The following ZNF573 variants were observed in gnomAD, a reference collection of about 807,000 sequenced individuals.
ZNF573 encodes the protein zinc finger protein 573.
Under a neutral mutation model 57.4 loss-of-function variants are expected in ZNF573, and 41 were observed. The observed-to-expected ratio is 0.71, with a 90% CI of 0.56 to 0.93. The LOEUF (loss-of-function observed/expected upper bound fraction) is 0.93, where lower values mean the gene tolerates loss of function less well. Among genes scored for constraint, ZNF573 ranks in the 40% least tolerant of loss-of-function variants. The pLI is 0.00. For missense variants in ZNF573, 730 were observed against 794.8 expected, an observed-to-expected ratio of 0.92 and a Z score of 0.98; for synonymous variants, 249 against 261.0, an observed-to-expected ratio of 0.95 and a Z score of 0.44.
chr19:37,778,548 T>C (rs956845396), intron 1 of ZNF573: 3 of 151,696 alleles, frequency 2.0e-5, no homozygotes, highest in East Asian at 2.0e-4. Flanking sequence ...TCCCAACATC[T>C]ACTGGAAAGA....
At chr19:37,767,231 T>TC (rs1363786591) in intron 4 of ZNF573, among the ~76,000 whole-genome samples, 1 of 149,910 alleles carries the variant, frequency 6.7e-6, no homozygotes, top group African/African-American at 2.5e-5. Context: ...TGAGATTCAT[T>TC]CCTTTTTTTT....
intron 4 of ZNF573, among the ~76,000 whole-genome samples, chr19:37,749,136 GA>G (rs2045410280): frequency 6.6e-6 from 1 of 151,880 alleles, no homozygotes; most frequent in South Asian, 2.1e-4. Context: ...ACATAGTTAA[GA>G]GGTGAAATTT....
chr19:37,744,785 AAC>A (rs912846845), intron 4 of ZNF573, among the ~76,000 whole-genome samples: 3 of 151,518 alleles, frequency 2.0e-5, no homozygotes, highest in African/African-American at 7.3e-5. Flanking sequence ...AGAAAAAGAA[AAC>A]ACTTTTTTTT....
intron 1 of ZNF573, among the ~76,000 whole-genome samples, chr19:37,773,999 G>C (rs2045683347): frequency 6.6e-6 from 1 of 152,088 alleles, no homozygotes. Context: ...TCTGGACAAG[G>C]CTCCAATTTG....
Position 37,740,457 on chromosome 19 carries a change from T to C in ZNF573, c.296-263A>G, listed in dbSNP as rs547384539. The C allele has an allele frequency of 7.7e-5, 36 of 468,098 alleles. No homozygotes were observed. The East Asian group carries it at 1.4e-3, about 18-fold the overall frequency. 29.0% of individuals were successfully genotyped at this position (468,098 alleles called of 1,614,324 possible). On this transcript the variant is annotated intron_variant, in intron 4 of 4. Transcript: ENST00000536220. Reference sequence around the variant, plus strand: ...ACAAGCTTGTTCCAAATCTGCTATATTGGCACCGTCAAAGACCAAGTGAAT... The same window carrying C: ...ACAAGCTTGTTCCAAATCTGCTATACTGGCACCGTCAAAGACCAAGTGAAT...
intron 4 of ZNF573, among the ~76,000 whole-genome samples, chr19:37,750,826 A>G (rs1463123026): frequency 7.2e-6 from 1 of 138,330 alleles, no homozygotes; most frequent in Non-Finnish European, 1.6e-5. Context: ...AGCAAGACCC[A>G]GTCTCAAAAA....
intron 4 of ZNF573, among the ~76,000 whole-genome samples, chr19:37,758,203 ATATATATATATATATATATATAT>A (rs1169851114): frequency 0.019 from 996 of 51,992 alleles, 151 homozygotes; most frequent in South Asian, 0.044. Flanking sequence ...GTATAATAAA[ATATATATATATATATATATATAT>A]ATATATATAT....
At position 37,739,025 on chromosome 19, in the gene ZNF573, G is replaced by A. The variant is rs11666245; in HGVS notation, c.1465C>T (p.Arg489Trp). 0.048 allele frequency: 76,934 copies of A among 1,612,866 alleles called. 2,364 individuals carry two copies. Among genetic ancestry groups the A allele is most frequent in the South Asian group, 0.12 (10,684 of 90,834 alleles). Residue 489 changes from arginine (R) to tryptophan (W), a missense_variant, in exon 5 of 5, where the codon CGG becomes TGG. Coordinates refer to ENST00000536220, the MANE Select transcript of ZNF573 (RefSeq NM_001172690.2). Reference sequence around the variant, plus strand: ...GGTTTCTCACCAGTATGAGTTTTCCGATGTTGAATAAGGTTTGAGCCAGTA... The same window carrying A: ...GGTTTCTCACCAGTATGAGTTTTCCAATGTTGAATAAGGTTTGAGCCAGTA... The part of the protein sequence containing the change: ...YSTGSNLIQH[R>W]KTHTGEKPYK...
At chr19:37,778,024 CAAAAAA>C (rs34141847) in intron 1 of ZNF573, among the ~76,000 whole-genome samples, 1 of 56,134 alleles carries the variant, frequency 1.8e-5, no homozygotes, top group African/African-American at 6.1e-5. Context: ...GACTCTGTCT[CAAAAAA>C]AAAAAAAAAA....
intron 1 of ZNF573, among the ~76,000 whole-genome samples, chr19:37,777,220 G>A (rs1197573187): frequency 6.6e-6 from 1 of 151,806 alleles, no homozygotes; most frequent in Non-Finnish European, 1.5e-5. Flanking sequence ...CACCATGTTG[G>A]CCAGGCTGGT....
intron 4 of ZNF573, 78 bp from the exon 5 acceptor site, chr19:37,740,272 C>A: frequency 7.5e-7 from 1 of 1,327,856 alleles, no homozygotes; most frequent in Non-Finnish European, 1.0e-6. Context: ...CAAAGAAAAA[C>A]CAACATTCAT....
chr19:37,763,045 T>A (rs966845015), intron 4 of ZNF573, among the ~76,000 whole-genome samples: 12 of 151,936 alleles, frequency 7.9e-5, no homozygotes, highest in Non-Finnish European at 1.6e-4. Context: ...AGTGCTGGGA[T>A]TACAGGCATG....
At chr19:37,749,569 T>A (rs2045414350) in intron 4 of ZNF573, among the ~76,000 whole-genome samples, 1 of 152,012 alleles carries the variant, frequency 6.6e-6, no homozygotes, top group Non-Finnish European at 1.5e-5. Flanking sequence ...ACCTATATAT[T>A]CATCACAAGA....
At chr19:37,740,647 G>C (rs1417917118) in intron 4 of ZNF573, 1 of 453,846 alleles carries the variant, frequency 2.2e-6, no homozygotes, top group East Asian at 7.0e-5. Flanking sequence ...TTACCTAGGA[G>C]GTCTCATGTC....
chr19:37,739,838 A>G lies in ZNF573; in HGVS notation c.652T>C (p.Tyr218His), dbSNP rs2045307624. The G allele has an allele frequency of 6.2e-7, 1 of 1,613,946 alleles. No homozygotes were observed. Among genetic ancestry groups the G allele is most frequent in the Non-Finnish European group, 8.5e-7 (1 of 1,179,974 alleles). Reference sequence around the variant, plus strand: ...GCCTTCCCACACTGCCTACATTCATAGGTTTTCTCACCAGTATGAAATCTC... The same window carrying G: ...GCCTTCCCACACTGCCTACATTCATGGGTTTTCTCACCAGTATGAAATCTC... ...HQRFHTGEKT[Y>H]ECRQCGKAFI... is the part of the protein sequence containing the mutation. Residue 218 changes from tyrosine to histidine, a missense_variant, in exon 5 of 5, where the codon TAT becomes CAT. Coordinates refer to ENST00000536220, the MANE Select transcript of ZNF573 (RefSeq NM_001172690.2).
In ZNF573 at chr19:37,751,690, C is replaced by T. The variant is rs1303605628; in HGVS notation, c.296-11496G>A. The stretch of plus-strand genomic sequence containing the variant: ...TATATACTGTATATAGTACATAGTA[C>T]CGTATATATACTGTATATAGTACAT... On this transcript the variant is annotated intron_variant, in intron 4 of 4. Transcript: ENST00000536220. Among the ~76,000 whole-genome samples the T allele has an allele frequency of 2.1e-5, 3 of 142,468 alleles. No homozygotes were observed. The Admixed American group carries it at 2.1e-4, about 10-fold the overall frequency. 93.5% of individuals were successfully genotyped at this position (142,468 alleles called of 152,430 possible).
intron 4 of ZNF573, among the ~76,000 whole-genome samples, chr19:37,747,533 G>C (rs185636977): frequency 4.7e-4 from 72 of 152,270 alleles, no homozygotes; most frequent in Admixed American, 1.2e-3. Flanking sequence ...GGGTGGGCTA[G>C]ACTTAACAAG....
Position 37,770,267 on chromosome 19 carries a change from C to G in ZNF573, c.203-170G>C, listed in dbSNP as rs1168915028. ...AACCTTATTTTAATGTAAACTCATA[C>G]ACGCGTGGTCTCTTAGGAGAAAGTT... On this transcript the variant is annotated intron_variant, in intron 3 of 4. Transcript: ENST00000536220. 3 of 555,980 alleles carry G rather than the reference C, an allele frequency of 5.4e-6. No individual in the cohort carries two copies. The Admixed American group carries it at 1.0e-4, about 19-fold the overall frequency. 34.4% of individuals were successfully genotyped at this position (555,980 alleles called of 1,614,324 possible). A position where few individuals can be genotyped will look rare whatever the true frequency, so the allele number is the denominator to read the frequency against.
Position 37,738,759 on chromosome 19 carries a change from A to G in ZNF573, c.1731T>C (p.Ala577=). The G allele has an allele frequency of 6.2e-7, 1 of 1,614,036 alleles. No individual in the cohort carries two copies. The highest frequency in any genetic ancestry group is 8.5e-7 in the Non-Finnish European group (1 of 1,180,014). Residue 577 remains alanine (A), a synonymous_variant, in exon 5 of 5, where the codon GCT becomes GCC. Coordinates refer to ENST00000536220, the MANE Select transcript of ZNF573 (RefSeq NM_001172690.2). ...SHLTAHQSIH[A]DKKPYECKEC... ...CTTTACATTCATAGGGTTTTTTATC[A>G]GCATGAATGCTCTGATGTGCAGTAA...
Sources: allele counts gnomAD v4.1 joint callset (sites outside exome capture counted in the v4.1 genomes callset), GRCh38; gene constraint gnomAD v4.1.1; transcripts MANE v1.5; gene names NCBI Gene and HGNC (gene_info 2026-07-23, HGNC 2026-07-21).